Variants in LRRC59 observed in about 807,000 individuals in gnomAD.
The protein encoded by LRRC59 is leucine rich repeat containing 59, also known as leucine-rich repeat-containing protein 59.
A neutral mutation model predicts 33.5 loss-of-function variants in LRRC59; 18 were observed. The ratio of observed to expected loss-of-function variants is 0.54; its 90% CI spans 0.37 to 0.80. LRRC59 has a LOEUF of 0.80. LRRC59 is among the 30% of genes least tolerant of loss of function. The pLI is 0.00. For synonymous variants in LRRC59, 138 were observed against 160.0 expected (o/e 0.86, Z 1.04); for missense variants, 330 against 391.9 (o/e 0.84, Z 1.33).
chr17:50,381,301 C>A lies in LRRC59; in HGVS notation c.*1687G>T, dbSNP rs78410714. ...AAGAATTAGCATCAAATCTTGAAGT[C>A]GTGAGTGAAGCTGCGGGTTGGCTTG... On this transcript the variant is annotated 3_prime_UTR_variant, in exon 7 of 7. Transcript: ENST00000225972. 265 of 224,202 alleles carry A rather than the reference C, an allele frequency of 1.2e-3. 1 individual carries two copies. Among genetic ancestry groups the A allele is most frequent in the African/African-American group, 4.4e-3 (193 of 44,342 alleles). 13.9% of individuals were successfully genotyped at this position (224,202 alleles called of 1,614,324 possible).
In LRRC59 at chr17:50,394,097, G is replaced by A. The variant is rs534786114; in HGVS notation, c.165+832C>T. 5.1e-4 allele frequency among the ~76,000 whole-genome samples: 77 copies of A among 152,298 alleles called. 1 individual carries two copies. Among genetic ancestry groups the A allele is most frequent in the African/African-American group, 1.3e-3 (54 of 41,560 alleles). ...TGAGCTGTGACAAGGTACTGTGGAC[G>A]ATGAGCAAGGCCTAGGAGAATACTG... On this transcript the variant is annotated intron_variant, in intron 2 of 6. Transcript: ENST00000225972.
chr17:50,396,823 A>AC, intron 1 of LRRC59: 1 of 277,424 alleles, frequency 3.6e-6, no homozygotes, highest in Non-Finnish European at 6.7e-6. Context: ...ACCCAGGTCT[A>AC]CCAGGAGGCC....
chr17:50,384,615 A>G lies in LRRC59; in HGVS notation c.676+503T>C, dbSNP rs369502316. Among the ~76,000 whole-genome samples the G allele has an allele frequency of 3.9e-5, 6 of 152,136 alleles. No individual in the cohort carries two copies. The South Asian group carries it at 1.2e-3, about 32-fold the overall frequency. ...ACCACATCACTACTAAAAATACAAA[A>G]TTAGCTGGGCGTGGTGGCACATGCC... On this transcript the variant is annotated intron_variant, in intron 6 of 6. Transcript: ENST00000225972.
intron 1 of LRRC59, 62 bp from the exon 2 acceptor site, chr17:50,395,050 T>C (rs528579539): frequency 1.7e-6 from 2 of 1,154,132 alleles, no homozygotes; most frequent in East Asian, 2.4e-5. Context: ...CACTGACATA[T>C]GTTAATGAAG....
In LRRC59 at chr17:50,395,295, G is replaced by A. The variant is rs550879811; in HGVS notation, c.106-307C>T. 4.0e-5 allele frequency among the ~76,000 whole-genome samples: 6 copies of A among 149,422 alleles called. No homozygotes were observed. The East Asian group carries it at 5.9e-4, about 15-fold the overall frequency. ...CTCAGAAAGCTGAGACAGGAGGATC[G>A]CTTGAGCCCAGGAGTTCAGGAGTTT... On this transcript the variant is annotated intron_variant, in intron 1 of 6. Coordinates refer to ENST00000225972, the MANE Select transcript of LRRC59 (RefSeq NM_018509.4).
chr17:50,395,793 A>C (rs1244108106), intron 1 of LRRC59, among the ~76,000 whole-genome samples: 1 of 151,986 alleles, frequency 6.6e-6, no homozygotes, highest in Non-Finnish European at 1.5e-5. Flanking sequence ...CACGCTTGTA[A>C]TCCCAGCTAC....
chr17:50,386,766 CCTT>C (rs1172938955), intron 5 of LRRC59, among the ~76,000 whole-genome samples: 1 of 152,186 alleles, frequency 6.6e-6, no homozygotes. Flanking sequence ...TGTACACATC[CCTT>C]CTTGAACCAC....
rs1913877593 is a variant in LRRC59, at chr17:50,382,300, A to C, written c.*688T>G. Reference sequence around the variant, plus strand: ...CTGGTCTCTCAGGACATTATAAAGGAGGGAAAATGATGTAAAGGGAAGAAA... The same window carrying C: ...CTGGTCTCTCAGGACATTATAAAGGCGGGAAAATGATGTAAAGGGAAGAAA... On this transcript the variant is annotated 3_prime_UTR_variant, in exon 7 of 7. Transcript: ENST00000225972. 6.6e-6 allele frequency: 1 copy of C among 152,388 alleles called. No individual in the cohort carries two copies. The highest frequency in any genetic ancestry group is 1.5e-5 in the Non-Finnish European group (1 of 68,194). The allele number at this position is 152,388 out of a possible 1,614,324, so 9.4% of individuals were successfully genotyped here.
intron 3 of LRRC59, 52 bp from the exon 4 acceptor site, chr17:50,392,554 C>T: frequency 6.6e-7 from 1 of 1,508,556 alleles, no homozygotes; most frequent in East Asian, 2.3e-5. Context: ...AGTTCACATA[C>T]ATAGTCCCTC....
At chr17:50,392,557 A>T (rs1466439904) in intron 3 of LRRC59, 55 bp from the exon 4 acceptor site, 18 of 1,506,914 alleles carry the variant, frequency 1.2e-5, no homozygotes, top group Non-Finnish European at 1.7e-5. Flanking sequence ...TCACATACAT[A>T]GTCCCTCAGG....
At chr17:50,383,324 T>G in intron 6 of LRRC59, 89 bp from the exon 7 acceptor site, 7 of 1,442,070 alleles carry the variant, frequency 4.9e-6, no homozygotes, top group South Asian at 1.4e-5. Context: ...CGTGCAGATC[T>G]ACCTACATTC....
intron 6 of LRRC59, among the ~76,000 whole-genome samples, chr17:50,384,090 G>A (rs1913943065): frequency 6.6e-6 from 1 of 151,416 alleles, no homozygotes; most frequent in South Asian, 2.1e-4. Flanking sequence ...TCACCCAGAG[G>A]GTATCTGATC....
rs746975375 is a variant in LRRC59, at chr17:50,385,119, C to T, written c.675G>A (p.Pro225=). ...TCTTACAACAGGCAGAAAACTTACT[C>T]GGGGCCTGATTTGCTTCCTTCTTAG... The part of the protein sequence containing the change: ...KKPKKEANQA[P]KSKSGSRPRK... Residue 225 remains proline, a splice_region_variant and synonymous_variant, in exon 6 of 7, where the codon CCG becomes CCA. Coordinates refer to ENST00000225972, the MANE Select transcript of LRRC59 (RefSeq NM_018509.4). The T allele has an allele frequency of 6.8e-6, 11 of 1,613,000 alleles. No individual in the cohort carries two copies. The highest frequency in any genetic ancestry group is 3.3e-5 in the Admixed American group (2 of 59,962).
intron 6 of LRRC59, among the ~76,000 whole-genome samples, chr17:50,384,106 C>T (rs145127234): frequency 6.6e-6 from 1 of 151,856 alleles, no homozygotes; most frequent in Non-Finnish European, 1.5e-5. Flanking sequence ...TGATCCTCTG[C>T]AGCATGTGGA....
intron 4 of LRRC59, among the ~76,000 whole-genome samples, chr17:50,390,485 C>G (rs1338092097): frequency 6.7e-6 from 1 of 149,552 alleles, no homozygotes; most frequent in Non-Finnish European, 1.5e-5. Flanking sequence ...GAGCAAGACC[C>G]CATGTCAAAA....
At position 50,383,139 on chromosome 17, in the gene LRRC59, C is replaced by G; in HGVS notation, c.773G>C (p.Gly258Ala). ...ACAAGCAACCAGCCCTCCCGCCACA[C>G]CAAATAGCAGCAGCAGCAGCAGCAG... is the stretch of plus-strand genomic sequence containing the variant. ...LKLLLLLLLF[G>A]VAGGLVACRV... The change falls in exon 7 of 7, where the codon GGT becomes GCT. Residue 258 changes from glycine to alanine, a missense_variant. Coordinates refer to ENST00000225972, the MANE Select transcript of LRRC59 (RefSeq NM_018509.4). 6.3e-7 allele frequency: 1 copy of G among 1,584,452 alleles called. No homozygotes were observed. The highest frequency in any genetic ancestry group is 8.6e-7 in the Non-Finnish European group (1 of 1,166,560).
chr17:50,395,368 A>AAAAAG (rs1914247216), intron 1 of LRRC59, among the ~76,000 whole-genome samples: 3 of 151,580 alleles, frequency 2.0e-5, no homozygotes, highest in Non-Finnish European at 4.4e-5. Flanking sequence ...AAAAAAAAAA[A>AAAAAG]AAAGAAAGGA....
chr17:50,395,206 T>TC (rs1914241636), intron 1 of LRRC59, among the ~76,000 whole-genome samples: 1 of 151,764 alleles, frequency 6.6e-6, no homozygotes, highest in Admixed American at 6.6e-5. Flanking sequence ...CTGTACAACC[T>TC]CCAAGAAGGT....
chr17:50,389,563 GCTT>G (rs1404958392), intron 4 of LRRC59, among the ~76,000 whole-genome samples: 2 of 152,144 alleles, frequency 1.3e-5, no homozygotes, highest in Non-Finnish European at 2.9e-5. Flanking sequence ...AAGTACTGCT[GCTT>G]ATTTTCTTTA....
Sources: allele counts gnomAD v4.1 joint callset (sites outside exome capture counted in the v4.1 genomes callset), GRCh38; gene constraint gnomAD v4.1.1; transcripts MANE v1.5; gene names NCBI Gene and HGNC (gene_info 2026-07-23, HGNC 2026-07-21).